The following CUX1 variants were observed in gnomAD, a reference collection of about 807,000 sequenced individuals.
CUX1 encodes the protein cut like homeobox 1, also known as protein CASP.
CUX1 carries 31 observed loss-of-function variants against 158.8 expected under a neutral mutation model. The ratio of observed to expected loss-of-function variants is 0.20; its 90% CI spans 0.15 to 0.26. The LOEUF (loss-of-function observed/expected upper bound fraction) is 0.26, where lower values mean the gene tolerates loss of function less well. CUX1 is among the 10% of genes least tolerant of loss of function. The pLI, the probability that CUX1 is intolerant of heterozygous loss-of-function variation, is 1.00. For synonymous variants in CUX1, 879 were observed against 862.1 expected (o/e 1.02, Z -0.34); for missense variants, 1,589 against 2,014.6 (o/e 0.79, Z 4.04).
At chr7:101,847,550 T>C (rs981573401) in intron 1 of CUX1, among the ~76,000 whole-genome samples, 25 of 152,282 alleles carry the variant, frequency 1.6e-4, no homozygotes, top group African/African-American at 6.0e-4. Context: ...AACTATTTAC[T>C]GTGTAGAGGA....
chr7:101,849,800 G>A (rs180970805), intron 1 of CUX1, among the ~76,000 whole-genome samples: 43 of 151,724 alleles, frequency 2.8e-4, no homozygotes, highest in South Asian at 1.7e-3. Context: ...CCCACCAACC[G>A]TGTATATAAG....
intron 3 of CUX1, among the ~76,000 whole-genome samples, chr7:102,056,746 T>G (rs1475943187): frequency 6.6e-6 from 1 of 151,876 alleles, no homozygotes; most frequent in African/African-American, 2.4e-5. Flanking sequence ...ACTTTTTGTA[T>G]TTTTAGAAGA....
chr7:101,981,176 G>A (rs560861712), intron 2 of CUX1, among the ~76,000 whole-genome samples: 6 of 151,952 alleles, frequency 3.9e-5, no homozygotes, highest in Non-Finnish European at 5.9e-5. Flanking sequence ...TCCTGAGCCA[G>A]TACTGTGTCC....
intron 20 of CUX1, among the ~76,000 whole-genome samples, chr7:102,219,785 C>T (rs1257502689): frequency 6.6e-6 from 1 of 152,190 alleles, no homozygotes; most frequent in Non-Finnish European, 1.5e-5. Context: ...TTGTTTCAAG[C>T]TCTTGCTAAT....
chr7:101,931,091 G>A (rs769982745), intron 2 of CUX1, among the ~76,000 whole-genome samples: 18 of 152,152 alleles, frequency 1.2e-4, no homozygotes, highest in Non-Finnish European at 2.1e-4. Flanking sequence ...GCGAGACTCC[G>A]AGGTTCTGTG....
chr7:101,899,555 A>AT (rs1360303715), intron 1 of CUX1, among the ~76,000 whole-genome samples: 1 of 152,116 alleles, frequency 6.6e-6, no homozygotes, highest in African/African-American at 2.4e-5. Context: ...TCAAAAAAAT[A>AT]AAAAAATAAA....
rs1346551173 is a variant in CUX1, at chr7:102,248,705, G to A, written c.4181G>A (p.Gly1394Asp). The change falls in exon 24 of 24, where the codon GGC becomes GAC. Residue 1394 changes from glycine to aspartate, a missense_variant. This residue lies in a region of CUX1 where 344 missense variants were observed against 323.7 expected (regional missense o/e 1.06). Coordinates refer to ENST00000292535, the MANE Select transcript of CUX1 (RefSeq NM_181552.4). The surrounding 1 kb of genome is among the most constrained non-coding windows in gnomAD (Gnocchi z 5.8). ...DDARDDDHEGGPVEGPGPLPS... is the reference protein window; with the variant it reads ...DDARDDDHEGDPVEGPGPLPS... Reference sequence around the variant, plus strand: ...GCCCGCGACGACGACCACGAGGGAGGCCCCGTGGAAGGCCCGGGGCCCCTG... The same window carrying A: ...GCCCGCGACGACGACCACGAGGGAGACCCCGTGGAAGGCCCGGGGCCCCTG... The A allele has an allele frequency of 2.7e-4, 329 of 1,235,564 alleles. No homozygotes were observed. The highest frequency in any genetic ancestry group is 3.1e-4 in the Non-Finnish European group (308 of 984,754). The allele number at this position is 1,235,564 out of a possible 1,614,324, so 76.5% of individuals were successfully genotyped here.
intron 2 of CUX1, among the ~76,000 whole-genome samples, chr7:102,017,586 C>CCTGTAACCCAGCG (rs1385645260): frequency 6.6e-6 from 1 of 152,096 alleles, no homozygotes; most frequent in Non-Finnish European, 1.5e-5. Context: ...GTGGCTCACG[C>CCTGTAACCCAGCG]CTGTAACCCA....
chr7:101,869,830 C>T lies in CUX1; in HGVS notation c.31-46285C>T, dbSNP rs1464970398. 6.6e-6 allele frequency among the ~76,000 whole-genome samples: 1 copy of T among 152,172 alleles called. No individual in the cohort carries two copies. The highest frequency in any genetic ancestry group is 1.9e-4 in the East Asian group (1 of 5,192). The stretch of plus-strand genomic sequence containing the variant: ...GGTTTCAGCTTTCCCCGTGGCTCCC[C>T]TCCGCCAAATCTTAAATCCTCTTGT... On this transcript the variant is annotated intron_variant, in intron 1 of 23. Transcript: ENST00000292535. This position sits in a 1 kb window ranked among gnomAD's most constrained non-coding sequence, Gnocchi z 4.5.
In CUX1 at chr7:101,869,423, G is replaced by A. The variant is rs1281816425; in HGVS notation, c.31-46692G>A. Among the ~76,000 whole-genome samples the A allele has an allele frequency of 6.6e-6, 1 of 152,180 alleles. No homozygotes were observed. Among genetic ancestry groups the A allele is most frequent in the East Asian group, 1.9e-4 (1 of 5,196 alleles). ...ACACAAGAGGTTGAGGGGAAAGGTC[G>A]GAATTGGCCACAGGTCTCCTAATGC... On this transcript the variant is annotated intron_variant, in intron 1 of 23. Transcript: ENST00000292535. This position sits in a 1 kb window ranked among gnomAD's most constrained non-coding sequence, Gnocchi z 4.5.
chr7:102,142,711 C>T (rs987395254), intron 8 of CUX1, among the ~76,000 whole-genome samples: 1 of 151,988 alleles, frequency 6.6e-6, no homozygotes, highest in Admixed American at 6.6e-5. Flanking sequence ...CACTTGAAGA[C>T]AGGAGTTCAA....
intron 8 of CUX1, chr7:102,153,434 C>T (rs557426370): frequency 2.0e-5 from 3 of 152,486 alleles, no homozygotes; most frequent in Admixed American, 1.3e-4. Flanking sequence ...TCCAGCTTTT[C>T]AGCTCCGCAC....
At chr7:102,267,645 A>C (rs1314723396) in intron 14 of CUX1, among the ~76,000 whole-genome samples, 10 of 152,310 alleles carry the variant, frequency 6.6e-5, no homozygotes, top group Non-Finnish European at 1.5e-4. Flanking sequence ...TTCTGCAGTC[A>C]GAAATCATGC....
intron 2 of CUX1, among the ~76,000 whole-genome samples, chr7:101,993,651 C>T (rs893785248): frequency 4.6e-5 from 7 of 152,236 alleles, no homozygotes; most frequent in African/African-American, 1.2e-4. Flanking sequence ...AGCACCTCCA[C>T]GGCCTAGCTA....
chr7:102,235,778 CCA>C (rs139509701), intron 22 of CUX1, among the ~76,000 whole-genome samples: 9,847 of 140,984 alleles, frequency 0.07, 476 homozygotes, highest in African/African-American at 0.11. Context: ...CCCGTCCCCG[CCA>C]CACACACACA....
chr7:102,045,150 G>A (rs1822590023), intron 3 of CUX1, among the ~76,000 whole-genome samples: 1 of 152,210 alleles, frequency 6.6e-6, no homozygotes, highest in Non-Finnish European at 1.5e-5. Context: ...GTCGGACTGC[G>A]GCTCAACATC....
intron 11 of CUX1, among the ~76,000 whole-genome samples, chr7:102,186,601 T>A (rs971706587): frequency 6.7e-6 from 1 of 148,636 alleles, no homozygotes; most frequent in African/African-American, 2.5e-5. Context: ...ATATATTTTT[T>A]TTTATTTATG....
At chr7:102,044,144 C>T (rs373801569) in intron 3 of CUX1, among the ~76,000 whole-genome samples, 4 of 151,904 alleles carry the variant, frequency 2.6e-5, no homozygotes, top group South Asian at 4.2e-4. Context: ...CTGCGCCAGG[C>T]CTTATGTGTT....
At chr7:101,958,471 TTTC>T (rs1361612929) in intron 2 of CUX1, among the ~76,000 whole-genome samples, 4 of 104,948 alleles carry the variant, frequency 3.8e-5, no homozygotes, top group African/African-American at 1.3e-4. Flanking sequence ...GTCCTGAGAT[TTTC>T]TTTTCTTTTT....
Sources: allele counts gnomAD v4.1 joint callset (sites outside exome capture counted in the v4.1 genomes callset), GRCh38; gene constraint gnomAD v4.1.1; regional missense constraint gnomAD v4.1.1; non-coding constraint Gnocchi (gnomAD v3.1); transcripts MANE v1.5; gene names NCBI Gene and HGNC (gene_info 2026-07-23, HGNC 2026-07-21).